The following TLN2 variants were observed in gnomAD, a reference collection of about 807,000 sequenced individuals.
The protein encoded by TLN2 is talin 2, also known as talin-2.
TLN2 carries 118 observed loss-of-function variants against 294.7 expected under a neutral mutation model. The observed-to-expected ratio is 0.40, with a 90% CI of 0.34 to 0.47. The LOEUF is 0.47. TLN2 is among the 20% of genes least tolerant of loss of function. The probability of loss-of-function intolerance (pLI) is 0.84; values close to 1 mark genes in which losing one functional copy is unlikely to be tolerated. For missense variants in TLN2, 3,083 were observed against 3,282.2 expected (o/e 0.94, Z 1.48); for synonymous variants, 1,431 against 1,304.5 (o/e 1.10, Z -2.09).
Position 62,456,273 on chromosome 15 carries a change from C to G in TLN2, c.-238+65588C>G, listed in dbSNP as rs370657926. Among the ~76,000 whole-genome samples the G allele has an allele frequency of 1.9e-4, 29 of 152,378 alleles. No homozygotes were observed. The East Asian group carries it at 4.0e-3, about 21-fold the overall frequency. On this transcript the variant is annotated intron_variant, in intron 1 of 58. Transcript: ENST00000636159. The stretch of plus-strand genomic sequence containing the variant: ...TTCTGTAATCTGAAGCTTCTCATCT[C>G]TCTCAGCCTCCTACTTCCTAGCAAT...
intron 1 of TLN2, among the ~76,000 whole-genome samples, chr15:62,543,818 T>A (rs764131523): frequency 4.0e-5 from 6 of 151,550 alleles, no homozygotes; most frequent in Non-Finnish European, 7.4e-5. Flanking sequence ...AAATAGTTAA[T>A]GAATGAAATA....
chr15:62,655,918 C>T (rs775695647), intron 7 of TLN2, 26 bp from the exon 8 acceptor site: 3 of 1,612,190 alleles, frequency 1.9e-6, no homozygotes, highest in Non-Finnish European at 2.5e-6. Context: ...AAACACAGTT[C>T]TCTTATATGT....
intron 1 of TLN2, among the ~76,000 whole-genome samples, chr15:62,435,101 CT>C (rs139649386): frequency 0.11 from 17,106 of 152,130 alleles, 1,250 homozygotes; most frequent in Non-Finnish European, 0.16. Flanking sequence ...AGATCTTGTT[CT>C]TTTTTATGGC....
At chr15:62,582,225 CA>C (rs2045148535) in intron 1 of TLN2, among the ~76,000 whole-genome samples, 7 of 145,276 alleles carry the variant, frequency 4.8e-5, no homozygotes, top group Non-Finnish European at 7.5e-5. Flanking sequence ...CACACACACA[CA>C]CACACACACA....
intron 1 of TLN2, among the ~76,000 whole-genome samples, chr15:62,481,130 A>G (rs923576015): frequency 2.0e-5 from 3 of 152,164 alleles, no homozygotes; most frequent in Admixed American, 1.3e-4. Flanking sequence ...CTCATTGGGG[A>G]TCCTGAAGGG....
At chr15:62,525,968 A>G (rs1223869908) in intron 1 of TLN2, among the ~76,000 whole-genome samples, 1 of 152,192 alleles carries the variant, frequency 6.6e-6, no homozygotes, top group Non-Finnish European at 1.5e-5. Flanking sequence ...AGGGTAGATT[A>G]AAGACTTCAG....
intron 2 of TLN2, among the ~76,000 whole-genome samples, chr15:62,598,476 G>T (rs928009678): frequency 6.6e-6 from 1 of 152,096 alleles, no homozygotes; most frequent in Non-Finnish European, 1.5e-5. Context: ...TCTGCTGTGC[G>T]TGGACAGGGG....
chr15:62,640,393 C>T (rs558924425), intron 3 of TLN2: 4 of 455,498 alleles, frequency 8.8e-6, no homozygotes, highest in Middle Eastern at 4.4e-4. Flanking sequence ...GGGACGGTGG[C>T]CAGCTCTTAC....
intron 18 of TLN2, 39 bp from the exon 19 acceptor site, chr15:62,702,727 G>A (rs765723622): frequency 6.3e-7 from 1 of 1,585,546 alleles, no homozygotes; most frequent in East Asian, 2.2e-5. Flanking sequence ...TGGAGGAAAT[G>A]CGTTTTCTTT....
intron 1 of TLN2, among the ~76,000 whole-genome samples, chr15:62,580,457 C>G (rs920702269): frequency 7.4e-6 from 1 of 135,386 alleles, no homozygotes; most frequent in Non-Finnish European, 1.6e-5. Flanking sequence ...GTTGCTCAGG[C>G]TGGAGTACAG....
intron 45 of TLN2, among the ~76,000 whole-genome samples, chr15:62,785,516 A>G (rs1466334972): frequency 1.3e-5 from 2 of 152,182 alleles, no homozygotes; most frequent in Non-Finnish European, 2.9e-5. Flanking sequence ...ACTGGGCGTG[A>G]TGGTGTGCGC....
chr15:62,566,287 A>AAACATTTTTG (rs2043388064), intron 1 of TLN2, among the ~76,000 whole-genome samples: 1 of 152,100 alleles, frequency 6.6e-6, no homozygotes, highest in African/African-American at 2.4e-5. Context: ...TTCATTTGGC[A>AAACATTTTTG]AACATTTTTG....
At chr15:62,409,700 T>C (rs2033647116) in intron 1 of TLN2, among the ~76,000 whole-genome samples, 1 of 152,204 alleles carries the variant, frequency 6.6e-6, no homozygotes, top group African/African-American at 2.4e-5. Context: ...GGTTGAAATA[T>C]ATGTATATTC....
At chr15:62,647,552 T>A in intron 4 of TLN2, 106 bp downstream of exon 4, 1 of 1,472,144 alleles carries the variant, frequency 6.8e-7, no homozygotes, top group Non-Finnish European at 9.3e-7. Flanking sequence ...TATTAGTGCA[T>A]ATGTTTCAAA....
chr15:62,515,559 G>T (rs540356431), intron 1 of TLN2, among the ~76,000 whole-genome samples: 17 of 152,306 alleles, frequency 1.1e-4, no homozygotes, highest in African/African-American at 4.1e-4. Context: ...TCTCCCTGAA[G>T]GAGAGGGCAT....
intron 1 of TLN2, among the ~76,000 whole-genome samples, chr15:62,410,004 G>C (rs989809487): frequency 2.0e-5 from 3 of 152,224 alleles, no homozygotes; most frequent in African/African-American, 7.2e-5. Flanking sequence ...AGTACTTTGG[G>C]AGGCCGAGGC....
At chr15:62,612,010 A>G (rs925501810) in intron 2 of TLN2, among the ~76,000 whole-genome samples, 1 of 152,154 alleles carries the variant, frequency 6.6e-6, no homozygotes, top group Non-Finnish European at 1.5e-5. Context: ...GTAAAGTACA[A>G]TCCCTTTCCC....
intron 3 of TLN2, among the ~76,000 whole-genome samples, chr15:62,621,728 G>A (rs574876117): frequency 1.3e-5 from 2 of 152,292 alleles, no homozygotes; most frequent in East Asian, 1.9e-4. Context: ...TATTTGCTGC[G>A]AAGAGCTCCC....
chr15:62,588,936 GGA>G (rs891462745), intron 1 of TLN2, among the ~76,000 whole-genome samples: 1 of 151,390 alleles, frequency 6.6e-6, no homozygotes. Flanking sequence ...CCATAAGTAG[GGA>G]GAGAGAGATG....
Sources: allele counts gnomAD v4.1 joint callset (sites outside exome capture counted in the v4.1 genomes callset), GRCh38; gene constraint gnomAD v4.1.1; transcripts MANE v1.5; gene names NCBI Gene and HGNC (gene_info 2026-07-23, HGNC 2026-07-21).